The following ZNF337 variants were observed in gnomAD, a reference collection of about 807,000 sequenced individuals.
ZNF337 encodes the protein zinc finger protein 337.
Under a neutral mutation model 12.1 loss-of-function variants are expected in ZNF337, and 8 were observed. That is an observed-to-expected ratio of 0.66 (90% CI 0.39 to 1.19). The LOEUF (loss-of-function observed/expected upper bound fraction) is 1.19. ZNF337 is among the 50% of genes most tolerant of loss of function. ZNF337 has a pLI of 0.01. For synonymous variants in ZNF337, 336 were observed against 320.0 expected (o/e 1.05, Z -0.53); for missense variants, 882 against 896.6 (o/e 0.98, Z 0.21).
chr20:25,687,687 T>G (rs543625513), intron 1 of ZNF337, among the ~76,000 whole-genome samples: 45 of 152,382 alleles, frequency 3.0e-4, no homozygotes, highest in African/African-American at 1.1e-3. Context: ...CTTTTGTTCT[T>G]AAGGAGATAG....
At chr20:25,678,015 A>G (rs1465159158) in intron 4 of ZNF337, 1 of 152,126 alleles carries the variant, frequency 6.6e-6, no homozygotes, top group Non-Finnish European at 1.5e-5. Flanking sequence ...CACTCTTATT[A>G]CCATAGTTCA....
chr20:25,675,403 CA>C lies in ZNF337; in HGVS notation c.1884del (p.Phe628LeufsTer105). 1 of 1,610,894 alleles carries C rather than the reference CA, an allele frequency of 6.2e-7. No individual in the cohort carries two copies. Among genetic ancestry groups the C allele is most frequent in the Non-Finnish European group, 8.5e-7 (1 of 1,179,116 alleles). Reference sequence around the variant, plus strand: ...AAGCCTCGCCCACACTCCTTGCATACAAAAGGCTGCTTGCCAGAATGTGCAA... The same window carrying C: ...AAGCCTCGCCCACACTCCTTGCATACAAAGGCTGCTTGCCAGAATGTGCAA... ...HQLAHSGKQP[F>X]VCKECGRGFN... On this transcript the variant is annotated frameshift_variant, in exon 5 of 5. Coordinates refer to ENST00000252979, the MANE Select transcript of ZNF337 (RefSeq NM_015655.4). LOFTEE classifies it low-confidence loss of function (END_TRUNC).
At position 25,689,721 on chromosome 20, in the gene ZNF337, G is replaced by T. The variant is rs1175241775; in HGVS notation, c.-49-3255C>A. ...ACTTTGGCACATAAACAGGGGGAAG[G>T]GATAAATCTAACAGAACTACCCATG... On this transcript the variant is annotated intron_variant, in intron 1 of 4. Coordinates refer to ENST00000252979, the MANE Select transcript of ZNF337 (RefSeq NM_015655.4). 2.0e-5 allele frequency among the ~76,000 whole-genome samples: 3 copies of T among 152,074 alleles called. No individual in the cohort carries two copies. In the East Asian group the frequency reaches 5.8e-4, roughly 29 times the overall value.
Position 25,675,583 on chromosome 20 carries a change from C to T in ZNF337, c.1705G>A (p.Glu569Lys). The T allele has an allele frequency of 6.2e-7, 1 of 1,613,906 alleles. No homozygotes were observed. The highest frequency in any genetic ancestry group is 1.1e-5 in the South Asian group (1 of 91,074). ...CAATCCTTGCAATTAAATGGCCTTT[C>T]CCCCGAGTGTGTCCACTGATGTCTA... is the stretch of plus-strand genomic sequence containing the variant. ...LLRHQWTHSG[E>K]RPFNCKDCGR... The change falls in exon 5 of 5, where the codon GAA (glutamate) becomes AAA (lysine). Residue 569 changes from glutamate (E) to lysine (K), a missense_variant. Coordinates refer to ENST00000252979, the MANE Select transcript of ZNF337 (RefSeq NM_015655.4).
At chr20:25,683,978 A>T (rs1431698509) in intron 4 of ZNF337, among the ~76,000 whole-genome samples, 1 of 152,070 alleles carries the variant, frequency 6.6e-6, no homozygotes, top group East Asian at 1.9e-4. Flanking sequence ...GATAGACTGG[A>T]TTAAGAAAAT....
At chr20:25,693,481 T>TATA (rs1255551168) in intron 1 of ZNF337, among the ~76,000 whole-genome samples, 1 of 152,234 alleles carries the variant, frequency 6.6e-6, no homozygotes, top group African/African-American at 2.4e-5. Flanking sequence ...GGGCAATGAC[T>TATA]ATAAAGCCCT....
In ZNF337 at chr20:25,676,513, A is replaced by C. The variant is rs752257411; in HGVS notation, c.775T>G (p.Ser259Ala). 33 of 1,613,790 alleles carry C rather than the reference A, an allele frequency of 2.0e-5. No homozygotes were observed. In the South Asian group the frequency reaches 3.1e-4, roughly 15 times the overall value. ...TTGCACAGAAAAGGCTTCTCTCCTG[A>C]GTGTGTCCTCTGGTGTCTGAGGAGG... The part of the protein sequence containing the change: ...ANLLRHQRTH[S>A]GEKPFLCKVC... Residue 259 changes from serine (S) to alanine (A), a missense_variant, in exon 5 of 5, where the codon TCA becomes GCA. Ser to Ala is a moderately conservative substitution (Grantham distance 99). Transcript: ENST00000252979.
chr20:25,686,718 G>T lies in ZNF337; in HGVS notation c.-49-252C>A, dbSNP rs544296693. 8.5e-4 allele frequency: 399 copies of T among 469,002 alleles called. 2 individuals are homozygous for T. Among genetic ancestry groups the T allele is most frequent in the Non-Finnish European group, 1.4e-3 (360 of 262,690 alleles). 29.1% of individuals were successfully genotyped at this position (469,002 alleles called of 1,614,324 possible). ...CATCACTGAGGGGCTAAAAGGATGA[G>T]GAACACCTGCAGATGAGGTCTTGCA... On this transcript the variant is annotated intron_variant, in intron 1 of 4. Coordinates refer to ENST00000252979, the MANE Select transcript of ZNF337 (RefSeq NM_015655.4).
intron 1 of ZNF337, chr20:25,686,738 C>T (rs2065837618): frequency 4.9e-6 from 2 of 405,476 alleles, no homozygotes; most frequent in Non-Finnish European, 8.9e-6. Context: ...CAGATGAGGT[C>T]TTGCATTTAA....
chr20:25,696,280 T>C (rs2065927749), intron 1 of ZNF337, among the ~76,000 whole-genome samples: 1 of 151,494 alleles, frequency 6.6e-6, no homozygotes. Flanking sequence ...AGCATCAGAG[T>C]CGGAGGGAAC....
At position 25,696,087 on chromosome 20, in the gene ZNF337, T is replaced by TCCCCCCCCC. The variant is rs149644721; in HGVS notation, c.-50+663_-50+671dup. 3.8e-4 allele frequency among the ~76,000 whole-genome samples: 20 copies of TCCCCCCCCC among 52,102 alleles called. 1 individual carries two copies. The highest frequency in any genetic ancestry group is 1.1e-3 in the South Asian group (1 of 884). 34.2% of individuals were successfully genotyped at this position (52,102 alleles called of 152,430 possible). A position where few individuals can be genotyped will look rare whatever the true frequency, so the allele number is the denominator to read the frequency against. The stretch of plus-strand genomic sequence containing the variant: ...TCCCGCGGACGCTGCCCCACGCAGA[T>TCCCCCCCCC]CCCCCCCCCCCCCCACCAAAACACG... On this transcript the variant is annotated intron_variant, in intron 1 of 4. Transcript: ENST00000252979.
chr20:25,689,424 A>G (rs1230080431), intron 1 of ZNF337, among the ~76,000 whole-genome samples: 1 of 152,170 alleles, frequency 6.6e-6, no homozygotes, highest in Non-Finnish European at 1.5e-5. Context: ...GTATTGCTGG[A>G]TACTACTTGT....
Position 25,674,981 on chromosome 20 carries a change from A to C in ZNF337, c.*51T>G. The C allele has an allele frequency of 6.5e-7, 1 of 1,539,316 alleles. No individual in the cohort carries two copies. Among genetic ancestry groups the C allele is most frequent in the Non-Finnish European group, 8.8e-7 (1 of 1,131,376 alleles). The stretch of plus-strand genomic sequence containing the variant: ...CAGCCTCAACTAAAGCTTGTAACAA[A>C]GCAAAGTTACTCTCCTGAGTGTGTC... On this transcript the variant is annotated 3_prime_UTR_variant, in exon 5 of 5. Transcript: ENST00000252979.
chr20:25,695,228 G>A (rs573800850), intron 1 of ZNF337, among the ~76,000 whole-genome samples: 6 of 152,250 alleles, frequency 3.9e-5, no homozygotes, highest in East Asian at 3.9e-4. Context: ...CTGAGATCAC[G>A]CCACTGCACT....
intron 1 of ZNF337, among the ~76,000 whole-genome samples, chr20:25,695,140 G>A (rs960634742): frequency 7.9e-5 from 12 of 152,096 alleles, no homozygotes; most frequent in African/African-American, 2.9e-4. Context: ...GCGTGGTGGC[G>A]GGCGCCTGTA....
At chr20:25,687,440 AT>A (rs1316363566) in intron 1 of ZNF337, among the ~76,000 whole-genome samples, 8 of 152,238 alleles carry the variant, frequency 5.3e-5, no homozygotes, top group African/African-American at 1.9e-4. Flanking sequence ...GACTAAAAAA[AT>A]AAAATTAAAA....
intron 4 of ZNF337, among the ~76,000 whole-genome samples, chr20:25,681,588 G>A (rs2065768696): frequency 6.6e-6 from 1 of 152,152 alleles, no homozygotes; most frequent in Admixed American, 6.5e-5. Context: ...TAAGATGGGT[G>A]AAATTAAGGC....
chr20:25,692,712 G>A (rs6037196), intron 1 of ZNF337, among the ~76,000 whole-genome samples: 14,590 of 152,100 alleles, frequency 0.096, 1,221 homozygotes, highest in African/African-American at 0.23. Flanking sequence ...ATCTGTGGGA[G>A]TTAATATCCT....
intron 1 of ZNF337, among the ~76,000 whole-genome samples, chr20:25,695,043 G>A (rs551022983): frequency 6.6e-6 from 1 of 152,254 alleles, no homozygotes; most frequent in South Asian, 2.1e-4. Flanking sequence ...GGTAGAGGTG[G>A]GTGGATCACC....
Sources: allele counts gnomAD v4.1 joint callset (sites outside exome capture counted in the v4.1 genomes callset), GRCh38; gene constraint gnomAD v4.1.1; transcripts MANE v1.5; gene names NCBI Gene and HGNC (gene_info 2026-07-23, HGNC 2026-07-21).